MORC2: variants seen among roughly 807,000 people sequenced by gnomAD.
MORC2 encodes ATPase MORC2.
A neutral mutation model predicts 136.0 loss-of-function variants in MORC2; 30 were observed. The observed-to-expected ratio is 0.22, with a 90% CI of 0.17 to 0.30. The LOEUF (loss-of-function observed/expected upper bound fraction) is 0.30, where lower values mean the gene tolerates loss of function less well. MORC2 is among the 10% of genes least tolerant of loss of function. MORC2 has a pLI of 1.00. For missense variants in MORC2, 922 were observed against 1,333.1 expected, an observed-to-expected ratio of 0.69 and a Z score of 4.80; for synonymous variants, 439 against 487.0, an observed-to-expected ratio of 0.90 and a Z score of 1.30.
chr22:30,950,454 G>A lies in MORC2; in HGVS notation c.158-9C>T. The A allele has an allele frequency of 6.2e-7, 1 of 1,605,414 alleles. No individual in the cohort carries two copies. Among genetic ancestry groups the A allele is most frequent in the Non-Finnish European group, 8.5e-7 (1 of 1,178,246 alleles). ...AAGGTCCTCTCGTCTTTCTGTAAAA[G>A]AAGCAGCTGCCATTACTGGGCCGTT... is the stretch of plus-strand genomic sequence containing the variant. On this transcript the variant is annotated splice_polypyrimidine_tract_variant and intron_variant, in intron 3 of 25. Coordinates refer to ENST00000397641, the MANE Select transcript of MORC2 (RefSeq NM_001303256.3).
intron 6 of MORC2, among the ~76,000 whole-genome samples, chr22:30,943,055 CAAATT>C (rs1388873193): frequency 6.6e-6 from 1 of 151,756 alleles, no homozygotes; most frequent in East Asian, 1.9e-4. Context: ...CTAGAGTGGC[CAAATT>C]AAACTGTACA....
chr22:30,940,531 T>C (rs2040727459), intron 10 of MORC2, among the ~76,000 whole-genome samples: 1 of 152,142 alleles, frequency 6.6e-6, no homozygotes, highest in Admixed American at 6.5e-5. Flanking sequence ...GCTGACACTT[T>C]TAGGCCCTAT....
chr22:30,929,175 G>C (rs1446659536), intron 24 of MORC2, among the ~76,000 whole-genome samples: 2 of 152,146 alleles, frequency 1.3e-5, no homozygotes, highest in Non-Finnish European at 2.9e-5. Flanking sequence ...TAATTGCCTT[G>C]GCAGCACAAA....
chr22:30,935,100 G>C lies in MORC2; in HGVS notation c.1874C>G (p.Ala625Gly), dbSNP rs773737902. 2.5e-6 allele frequency: 4 copies of C among 1,613,790 alleles called. No individual in the cohort carries two copies. In the African/African-American group the frequency reaches 5.3e-5, roughly 22 times the overall value. Residue 625 changes from alanine to glycine, a missense_variant, in exon 19 of 26, where the codon GCC becomes GGC. Transcript: ENST00000397641. ...TGGCAAAGAAGGGGGTCTGCTGGGG[G>C]CGTTCCTGATCACAGCAGGTAAAGG... is the stretch of plus-strand genomic sequence containing the variant. ...SPPLPAVIRN[A>G]PSRPPSLPTP... is the part of the protein sequence containing the mutation.
intron 24 of MORC2, among the ~76,000 whole-genome samples, chr22:30,931,966 A>G (rs1295901618): frequency 6.6e-6 from 1 of 152,234 alleles, no homozygotes; most frequent in Non-Finnish European, 1.5e-5. Flanking sequence ...CCTCCTTCTG[A>G]GAGTCAAGTT....
chr22:30,961,381 G>A (rs940485274), intron 1 of MORC2, among the ~76,000 whole-genome samples: 11 of 152,082 alleles, frequency 7.2e-5, no homozygotes, highest in African/African-American at 2.7e-4. Flanking sequence ...AGGTAATGTT[G>A]GTTAAAAGTG....
chr22:30,950,337 G>GCGGGGGGCCCC, intron 4 of MORC2, 40 bp downstream of exon 4: 3 of 761,724 alleles, frequency 3.9e-6, no homozygotes, highest in Non-Finnish European at 7.0e-6. Context: ...TGGTTACATC[G>GCGGGGGGCCCC]CACCCCCCCA....
At chr22:30,942,057 C>A in intron 7 of MORC2, 55 bp from the exon 8 acceptor site, 1 of 1,609,798 alleles carries the variant, frequency 6.2e-7, no homozygotes. Context: ...CCCCACACTA[C>A]TTGTGATTCT....
Position 30,968,251 on chromosome 22 carries a change from C to T in MORC2, c.-362G>A. ...TCCTTGAGTGGGTGGTTTATGACTG[C>T]TCCATCTTCATGTTCTTCCAGCCTT... On this transcript the variant is annotated 5_prime_UTR_variant, in exon 1 of 26. Coordinates refer to ENST00000397641, the MANE Select transcript of MORC2 (RefSeq NM_001303256.3). The T allele has an allele frequency of 6.0e-6, 1 of 166,996 alleles. No homozygotes were observed. The highest frequency in any genetic ancestry group is 1.3e-5 in the Non-Finnish European group (1 of 77,392). The allele number at this position is 166,996 out of a possible 1,614,324, so 10.3% of individuals were successfully genotyped here.
intron 3 of MORC2, among the ~76,000 whole-genome samples, chr22:30,956,375 A>C (rs1490406642): frequency 6.6e-6 from 1 of 152,186 alleles, no homozygotes; most frequent in African/African-American, 2.4e-5. Flanking sequence ...GCTCACCAAG[A>C]GTTCAAAACA....
intron 5 of MORC2, among the ~76,000 whole-genome samples, chr22:30,948,677 T>C (rs761206360): frequency 6.6e-5 from 10 of 150,590 alleles, no homozygotes; most frequent in Non-Finnish European, 1.2e-4. Context: ...AAAGACCTGG[T>C]TCCTACCCTA....
rs1465014258 is a variant in MORC2, at chr22:30,937,298, C to T, written c.1499-261G>A. On this transcript the variant is annotated intron_variant, in intron 15 of 25. Transcript: ENST00000397641. This position sits in a 1 kb window ranked among gnomAD's most constrained non-coding sequence, Gnocchi z 4.7. ...TTATCAAGATCCTGGCTCAGTCATC[C>T]ACGCACACCAGAAACCATGTGGTAC... Among the ~76,000 whole-genome samples, 2 of 152,162 alleles carry T rather than the reference C, an allele frequency of 1.3e-5. No individual in the cohort carries two copies. Among genetic ancestry groups the T allele is most frequent in the African/African-American group, 4.8e-5 (2 of 41,438 alleles).
chr22:30,933,171 G>C (rs2040601441), intron 21 of MORC2, 141 bp from the exon 22 acceptor site: 1 of 1,276,444 alleles, frequency 7.8e-7, no homozygotes, highest in Non-Finnish European at 1.1e-6. Context: ...CAGGGACACA[G>C]AGACCAGGGA....
At chr22:30,963,132 C>T (rs1294224232) in intron 1 of MORC2, 4 of 173,546 alleles carry the variant, frequency 2.3e-5, no homozygotes, top group Non-Finnish European at 3.4e-5. Context: ...CCCGCAGCCA[C>T]GCCCAGATAA....
chr22:30,941,629 T>C lies in MORC2; in HGVS notation c.699-71A>G. ...AGGCCTGACCAAGGGCACAACATCC[T>C]CTCTGCAGGCTCTCCACCTTTCCAT... is the stretch of plus-strand genomic sequence containing the variant. On this transcript the variant is annotated intron_variant, in intron 8 of 25. Transcript: ENST00000397641. This position sits in a 1 kb window ranked among gnomAD's most constrained non-coding sequence, Gnocchi z 4.6. 1.3e-6 allele frequency: 2 copies of C among 1,560,944 alleles called. No homozygotes were observed. The highest frequency in any genetic ancestry group is 4.5e-5 in the East Asian group (2 of 44,080).
Position 30,939,952 on chromosome 22 carries a change from A to C in MORC2, c.987+7T>G. The C allele has an allele frequency of 6.2e-7, 1 of 1,613,522 alleles. No homozygotes were observed. Among genetic ancestry groups the C allele is most frequent in the Non-Finnish European group, 8.5e-7 (1 of 1,179,830 alleles). On this transcript the variant is annotated splice_region_variant and intron_variant, in intron 11 of 25. Transcript: ENST00000397641. ...CTGGAGAACAGCCGCCTGGGCCGGG[A>C]CCTTACCCTGGAGTCCCGCGTGAGG...
At chr22:30,943,486 T>TA (rs1310715972) in intron 6 of MORC2, among the ~76,000 whole-genome samples, 3 of 152,142 alleles carry the variant, frequency 2.0e-5, no homozygotes, top group African/African-American at 7.2e-5. Flanking sequence ...AGTGATGTTT[T>TA]AAAAAAATCC....
rs1355149916 is a variant in MORC2 at position 30,932,591 on chromosome 22, G to A, written c.2701C>T (p.Leu901=). The change falls in exon 23 of 26, where the codon CTG becomes TTG. Residue 901 remains leucine, a synonymous_variant. Coordinates refer to ENST00000397641, the MANE Select transcript of MORC2 (RefSeq NM_001303256.3). This position sits in a 1 kb window ranked among gnomAD's most constrained non-coding sequence, Gnocchi z 4.4. ...TCGATGGTCTCGTGATTGGTGCTCA[G>A]GGCAGTGGTGTCAGGCTCAATGCGG... is the stretch of plus-strand genomic sequence containing the variant. ...CLRIEPDTTA[L]STNHETIDLL... The A allele has an allele frequency of 1.9e-6, 3 of 1,614,196 alleles. No homozygotes were observed. The highest frequency in any genetic ancestry group is 1.1e-5 in the South Asian group (1 of 91,088).
rs2040592334 is a variant in MORC2 at position 30,932,635 on chromosome 22, G to A, written c.2657C>T (p.Pro886Leu). ...AATGCGGAGGCATTCGGAAGTGGAG[G>A]GCTCTGCGACAGCTATGGCCTGCTG... ...VAQQAIAVAE[P>L]STSECLRIEP... is the part of the protein sequence containing the mutation. Residue 886 changes from proline to leucine, a missense_variant, in exon 23 of 26, where the codon CCC (proline) becomes CTC (leucine). By Grantham distance (98) the Pro-to-Leu change is moderately conservative. This residue lies in a region of MORC2 where 263 missense variants were observed against 388.3 expected (regional missense o/e 0.68). Coordinates refer to ENST00000397641, the MANE Select transcript of MORC2 (RefSeq NM_001303256.3). This position sits in a 1 kb window ranked among gnomAD's most constrained non-coding sequence, Gnocchi z 4.4. The A allele has an allele frequency of 1.2e-6, 2 of 1,614,140 alleles. No individual in the cohort carries two copies. The highest frequency in any genetic ancestry group is 2.2e-5 in the East Asian group (1 of 44,858).
Sources: gnomAD v4.1 joint callset for allele counts (sites outside exome capture counted in the v4.1 genomes callset) on GRCh38, gnomAD v4.1.1 for gene constraint, gnomAD v4.1.1 regional missense constraint, Gnocchi (gnomAD v3.1) non-coding constraint, MANE v1.5 for transcripts, NCBI Gene and HGNC (gene_info 2026-07-23, HGNC 2026-07-21) for gene names.